Variants in ZBTB43 observed in about 807,000 individuals in gnomAD.
ZBTB43 encodes zinc finger and BTB domain-containing protein 43.
In ZBTB43, 6 loss-of-function variants were observed where a neutral mutation model predicts 31.1. The observed-to-expected ratio is 0.19, with a 90% CI of 0.11 to 0.38. The LOEUF (loss-of-function observed/expected upper bound fraction) is 0.38, where lower values mean the gene tolerates loss of function less well. Ranked by LOEUF, ZBTB43 falls within the 10% of genes least tolerant of loss-of-function variation. The probability of loss-of-function intolerance (pLI) is 1.00; values close to 1 mark genes in which losing one functional copy is unlikely to be tolerated. For synonymous variants in ZBTB43, 212 were observed against 221.7 expected, an observed-to-expected ratio of 0.96 and a Z score of 0.39; for missense variants, 379 against 602.1, an observed-to-expected ratio of 0.63 and a Z score of 3.88.
chr9:126,808,936 C>T (rs574754177), intron 2 of ZBTB43, 21 bp downstream of exon 2: 24 of 152,280 alleles, frequency 1.6e-4, no homozygotes, highest in Non-Finnish European at 3.4e-4. Context: ...AACTTGATCA[C>T]GATACCATTT....
At chr9:126,832,378 A>T (rs1409355400) in intron 2 of ZBTB43, 109 bp from the exon 3 acceptor site, 9 of 1,048,682 alleles carry the variant, frequency 8.6e-6, no homozygotes, top group Non-Finnish European at 1.2e-5. Context: ...TGGGGCCCAT[A>T]GGCTAGAGGA....
intron 2 of ZBTB43, among the ~76,000 whole-genome samples, chr9:126,830,743 T>C (rs1378931420): frequency 6.6e-6 from 1 of 152,104 alleles, no homozygotes; most frequent in Non-Finnish European, 1.5e-5. Flanking sequence ...GGGTGGTTTT[T>C]TTTTTTTTGC....
At chr9:126,812,207 C>T (rs961643547) in intron 2 of ZBTB43, among the ~76,000 whole-genome samples, 3 of 151,876 alleles carry the variant, frequency 2.0e-5, no homozygotes, top group African/African-American at 7.3e-5. Flanking sequence ...TTTAGCATAA[C>T]GTTTTCAAGT....
intron 2 of ZBTB43, among the ~76,000 whole-genome samples, chr9:126,814,610 A>AGTG (rs1224513641): frequency 6.6e-6 from 1 of 151,884 alleles, no homozygotes; most frequent in Non-Finnish European, 1.5e-5. Flanking sequence ...TGGCTAACAC[A>AGTG]GTGAAACACT....
Position 126,835,409 on chromosome 9 carries a change from G to A in ZBTB43, c.*1496G>A, listed in dbSNP as rs890498150. 4 of 166,832 alleles carry A rather than the reference G, an allele frequency of 2.4e-5. No individual in the cohort carries two copies. Among genetic ancestry groups the A allele is most frequent in the Non-Finnish European group, 5.9e-5 (4 of 68,072 alleles). The allele number at this position is 166,832 out of a possible 1,614,324, so 10.3% of individuals were successfully genotyped here. A position where few individuals can be genotyped will look rare whatever the true frequency, so the allele number is the denominator to read the frequency against. On this transcript the variant is annotated 3_prime_UTR_variant, in exon 3 of 3. Transcript: ENST00000373464. ...TGTCATCTTTTCCACAATCGTACTG[G>A]GTTATTTACTTCTAAATAGAAACTT...
At chr9:126,804,117 C>T (rs138935644), upstream of ZBTB43, among the ~76,000 whole-genome samples, 1 of 152,134 alleles carries the variant, frequency 6.6e-6, no homozygotes, top group African/African-American at 2.4e-5. Context: ...TAAACGGGTC[C>T]AAAGGTAAGA....
rs1588373656 is a variant in ZBTB43 at position 126,837,854 on chromosome 9, T to TTA, written c.*3941_*3942insTA. ...CAAATGTGACTTTTTTTTTTTTTTT[T>TTA]AATTTTTGCTTGAAGCCTGTGTCAT... On this transcript the variant is annotated 3_prime_UTR_variant, in exon 3 of 3. Transcript: ENST00000373464. The TTA allele has an allele frequency of 2.4e-5, 4 of 165,170 alleles. No homozygotes were observed. The South Asian group carries it at 6.3e-4, about 26-fold the overall frequency. The allele number at this position is 165,170 out of a possible 1,614,324, so 10.2% of individuals were successfully genotyped here. A position where few individuals can be genotyped will look rare whatever the true frequency, so the allele number is the denominator to read the frequency against.
chr9:126,816,716 G>C (rs188598698), intron 2 of ZBTB43, among the ~76,000 whole-genome samples: 1 of 152,210 alleles, frequency 6.6e-6, no homozygotes, highest in Non-Finnish European at 1.5e-5. Flanking sequence ...AGTGGGGCTG[G>C]AGGGGTAGGC....
In ZBTB43 at chr9:126,831,837, A is replaced by C. The variant is rs367547131; in HGVS notation, c.-23-650A>C. 3.9e-5 allele frequency: 6 copies of C among 151,922 alleles called. No homozygotes were observed. The East Asian group carries it at 9.7e-4, about 24-fold the overall frequency. The allele number at this position is 151,922 out of a possible 1,614,324, so 9.4% of individuals were successfully genotyped here. The stretch of plus-strand genomic sequence containing the variant: ...ACCAGGTGTAGTGGCGGGCGCCTAT[A>C]ATCCCAGCTACTTGGGAGGCCAAGG... On this transcript the variant is annotated intron_variant, in intron 2 of 2. Transcript: ENST00000373464.
intron 2 of ZBTB43, among the ~76,000 whole-genome samples, chr9:126,828,191 AT>A (rs368211093): frequency 2.0e-5 from 3 of 149,142 alleles, no homozygotes; most frequent in Non-Finnish European, 3.0e-5. Flanking sequence ...TTATTTATTT[AT>A]TTTTTTTTTG....
At chr9:126,818,323 A>G (rs1387496516) in intron 2 of ZBTB43, among the ~76,000 whole-genome samples, 3 of 151,388 alleles carry the variant, frequency 2.0e-5, no homozygotes, top group African/African-American at 7.3e-5. Flanking sequence ...ATTTAGAAAC[A>G]AGGTCTTGCT....
chr9:126,825,842 A>ATTT (rs72512629), intron 2 of ZBTB43, among the ~76,000 whole-genome samples: 106 of 91,188 alleles, frequency 1.2e-3, no homozygotes, highest in African/African-American at 3.5e-3. Flanking sequence ...TCCTTTTTAT[A>ATTT]TTTTTTTTTT....
chr9:126,826,462 T>TTC (rs1588364159), intron 2 of ZBTB43, among the ~76,000 whole-genome samples: 1 of 103,498 alleles, frequency 9.7e-6, no homozygotes, highest in East Asian at 2.9e-4. Flanking sequence ...GCCTTTTTTT[T>TTC]TTTTTTTTTT....
chr9:126,828,623 A>G (rs1417041061), intron 2 of ZBTB43, among the ~76,000 whole-genome samples: 1 of 140,176 alleles, frequency 7.1e-6, no homozygotes, highest in Non-Finnish European at 1.5e-5. Flanking sequence ...TGAGACCCCC[A>G]TCTCTAAATA....
At chr9:126,826,745 T>A (rs2032650527) in intron 2 of ZBTB43, among the ~76,000 whole-genome samples, 1 of 152,126 alleles carries the variant, frequency 6.6e-6, no homozygotes, top group Non-Finnish European at 1.5e-5. Context: ...ATTACAGGCG[T>A]GAGCCACCAC....
At chr9:126,817,477 G>GTTT (rs373778326) in intron 2 of ZBTB43, among the ~76,000 whole-genome samples, 3 of 127,728 alleles carry the variant, frequency 2.3e-5, no homozygotes, top group African/African-American at 2.9e-5. Context: ...GTTCCATGAA[G>GTTT]TTTTTTTTTT....
chr9:126,821,970 C>G (rs566231585), intron 2 of ZBTB43, among the ~76,000 whole-genome samples: 3 of 152,218 alleles, frequency 2.0e-5, no homozygotes. Context: ...TCAAGCAGTT[C>G]TCCTGCCTCA....
intron 2 of ZBTB43, among the ~76,000 whole-genome samples, chr9:126,829,473 G>A (rs948707730): frequency 1.3e-5 from 2 of 152,300 alleles, no homozygotes; most frequent in African/African-American, 4.8e-5. Flanking sequence ...AACAGAATGA[G>A]TTAGCTCTTT....
At chr9:126,819,747 A>G (rs748656931) in intron 2 of ZBTB43, among the ~76,000 whole-genome samples, 1 of 152,242 alleles carries the variant, frequency 6.6e-6, no homozygotes, top group Non-Finnish European at 1.5e-5. Flanking sequence ...TGAGGAAGGC[A>G]TATCAAAAGC....
Sources: gnomAD v4.1 joint callset for allele counts (sites outside exome capture counted in the v4.1 genomes callset) on GRCh38, gnomAD v4.1.1 for gene constraint, MANE v1.5 for transcripts, NCBI Gene and HGNC (gene_info 2026-07-23, HGNC 2026-07-21) for gene names.